Variants in CHRNA4 observed in about 807,000 individuals in gnomAD.
CHRNA4 encodes the protein cholinergic receptor nicotinic alpha 4 subunit.
In CHRNA4, 28 loss-of-function variants were observed where a neutral mutation model predicts 48.9. That is an observed-to-expected ratio of 0.57 (90% CI 0.42 to 0.79). The LOEUF (loss-of-function observed/expected upper bound fraction) is 0.79, where lower values mean the gene tolerates loss of function less well. Ranked by LOEUF, CHRNA4 falls within the 30% of genes least tolerant of loss-of-function variation. The pLI, the probability that CHRNA4 is intolerant of heterozygous loss-of-function variation, is 0.00. For missense variants in CHRNA4, 859 were observed against 898.4 expected (o/e 0.96, Z 0.56); for synonymous variants, 425 against 402.3 (o/e 1.06, Z -0.68).
At position 63,343,609 on chromosome 20, in the gene CHRNA4, G is replaced by A. The variant is rs892471936; in HGVS notation, c.*3129C>T. 4.2e-5 allele frequency: 19 copies of A among 453,920 alleles called. No homozygotes were observed. The highest frequency in any genetic ancestry group is 6.8e-4 in the Middle Eastern group (1 of 1,466). 28.1% of individuals were successfully genotyped at this position (453,920 alleles called of 1,614,324 possible). A position where few individuals can be genotyped will look rare whatever the true frequency, so the allele number is the denominator to read the frequency against. ...GAGAGATTACCACGCTTCCTGAGAG[G>A]AGGGCCACGTCGCCCCAGGCCGGGC... On this transcript the variant is annotated 3_prime_UTR_variant, in exon 6 of 6. Transcript: ENST00000370263.
chr20:63,346,168 C>T lies in CHRNA4; in HGVS notation c.*570G>A, dbSNP rs1338024015. 6.6e-6 allele frequency: 3 copies of T among 454,180 alleles called. No homozygotes were observed. Among genetic ancestry groups the T allele is most frequent in the Non-Finnish European group, 1.3e-5 (3 of 226,802 alleles). 28.1% of individuals were successfully genotyped at this position (454,180 alleles called of 1,614,324 possible). On this transcript the variant is annotated 3_prime_UTR_variant, in exon 6 of 6. Transcript: ENST00000370263. ...CCCAAAACACAACCAAACACAATCC[C>T]TGCCTGGACCCTCTCCTAGCGAAGC...
At chr20:63,355,131 C>T (rs2145399453) in intron 4 of CHRNA4, among the ~76,000 whole-genome samples, 1 of 152,294 alleles carries the variant, frequency 6.6e-6, no homozygotes, top group African/African-American at 2.4e-5. Flanking sequence ...GACCCTGCCA[C>T]ACCCAGACCC....
Position 63,344,357 on chromosome 20 carries a change from A to G in CHRNA4, c.*2381T>C, listed in dbSNP as rs201294271. 47 of 454,100 alleles carry G rather than the reference A, an allele frequency of 1.0e-4. No homozygotes were observed. Among genetic ancestry groups the G allele is most frequent in the Non-Finnish European group, 1.9e-4 (42 of 226,778 alleles). The allele number at this position is 454,100 out of a possible 1,614,324, so 28.1% of individuals were successfully genotyped here. On this transcript the variant is annotated 3_prime_UTR_variant, in exon 6 of 6. Transcript: ENST00000370263. The surrounding 1 kb of genome is among the most constrained non-coding windows in gnomAD (Gnocchi z 4.5). ...TCTAGGGGCTGGGTCTCCACTGAAG[A>G]GCATGCATCTCACCATATGTAAATT...
rs1406784957 is a variant in CHRNA4, at chr20:63,349,849, G to A, written c.1562C>T (p.Pro521Leu). ...GCACGGAGAGGGCTGGTCTGGGGGT[G>A]GGAGCTCAGCCGAGTGGGTGTTGCG... ...ASRNTHSAEL[P>L]PPDQPSPCKC... Residue 521 changes from proline (P) to leucine (L), a missense_variant, in exon 5 of 6, where the codon CCA becomes CTA. Physicochemically the swap from Pro to Leu is moderately conservative, Grantham distance 98. Transcript: ENST00000370263. 1 of 1,596,974 alleles carries A rather than the reference G, an allele frequency of 6.3e-7. No homozygotes were observed. The highest frequency in any genetic ancestry group is 2.2e-5 in the East Asian group (1 of 44,518).
In CHRNA4 at chr20:63,350,063, G is replaced by A. The variant is rs746921204; in HGVS notation, c.1348C>T (p.Arg450Cys). ...GGTGCCTGGGTGCCGTGGGGCGGGC[G>A]GCAGGGTCCAGGCGAGGGGTGGGGG... is the stretch of plus-strand genomic sequence containing the variant. Reference protein sequence around the residue: ...ASPHPSPGPCRPPHGTQAPGL... With the variant: ...ASPHPSPGPCCPPHGTQAPGL... Residue 450 changes from arginine to cysteine, a missense_variant, in exon 5 of 6, where the codon CGC becomes TGC. Physicochemically the swap from Arg to Cys is radical, Grantham distance 180. Transcript: ENST00000370263. The A allele has an allele frequency of 1.5e-5, 22 of 1,514,342 alleles. No homozygotes were observed. Among genetic ancestry groups the A allele is most frequent in the East Asian group, 7.1e-5 (3 of 42,378 alleles). The allele number at this position is 1,514,342 out of a possible 1,614,324, so 93.8% of individuals were successfully genotyped here.
chr20:63,351,238 A>ACGTTCACATCCATGCCCC (rs2068608477), intron 4 of CHRNA4: 1 of 374,516 alleles, frequency 2.7e-6, no homozygotes, highest in Non-Finnish European at 4.8e-6. Context: ...ATCCACACCC[A>ACGTTCACATCCATGCCCC]CGTCCACGTC....
chr20:63,359,792 C>A (rs1246439643), intron 1 of CHRNA4, 93 bp from the exon 2 acceptor site: 36 of 1,446,134 alleles, frequency 2.5e-5, no homozygotes, highest in Middle Eastern at 2.4e-4. Context: ...GCCCCCTGCC[C>A]AGCACGTCCA....
At chr20:63,348,557 T>A (rs548856188) in intron 5 of CHRNA4, among the ~76,000 whole-genome samples, 1 of 152,296 alleles carries the variant, frequency 6.6e-6, no homozygotes, top group South Asian at 2.1e-4. Context: ...AGGATGGCGC[T>A]CTGGGGTCCT....
rs954106130 is a variant in CHRNA4 at position 63,346,570 on chromosome 20, G to A, written c.*168C>T. The A allele has an allele frequency of 1.9e-5, 18 of 961,428 alleles. No homozygotes were observed. Among genetic ancestry groups the A allele is most frequent in the Admixed American group, 6.0e-5 (3 of 50,046 alleles). The allele number at this position is 961,428 out of a possible 1,614,324, so 59.6% of individuals were successfully genotyped here. A position where few individuals can be genotyped will look rare whatever the true frequency, so the allele number is the denominator to read the frequency against. Reference sequence around the variant, plus strand: ...TCCACACTCGGTCTCCCCAGAGGCCGTGTCCCCGTCCAAGGCCGTCTTACA... The same window carrying A: ...TCCACACTCGGTCTCCCCAGAGGCCATGTCCCCGTCCAAGGCCGTCTTACA... On this transcript the variant is annotated 3_prime_UTR_variant, in exon 6 of 6. Coordinates refer to ENST00000370263, the MANE Select transcript of CHRNA4 (RefSeq NM_000744.7).
At chr20:63,360,490 G>GCATTCCC (rs2068799833) in intron 1 of CHRNA4, among the ~76,000 whole-genome samples, 1 of 152,148 alleles carries the variant, frequency 6.6e-6, no homozygotes, top group African/African-American at 2.4e-5. Context: ...CCTGTCCTGG[G>GCATTCCC]CGCTGCCATA....
At chr20:63,359,856 C>A in intron 1 of CHRNA4, 157 bp from the exon 2 acceptor site, 1 of 892,752 alleles carries the variant, frequency 1.1e-6, no homozygotes, top group Non-Finnish European at 1.7e-6. Context: ...TGTGTGTGTG[C>A]CGGGCGTGCG....
chr20:63,356,784 G>A (rs554631300), intron 2 of CHRNA4, among the ~76,000 whole-genome samples: 60 of 152,290 alleles, frequency 3.9e-4, no homozygotes, highest in Non-Finnish European at 7.6e-4. Context: ...AGGCCCCCAT[G>A]TGGGCACACA....
At chr20:63,353,739 A>G (rs139898218) in intron 4 of CHRNA4, among the ~76,000 whole-genome samples, 108 of 2,254 alleles carry the variant, frequency 0.048, no homozygotes, top group Non-Finnish European at 0.067. Context: ...TGGTCCTAGG[A>G]GGCTGTGGTC....
chr20:63,355,783 T>A, intron 4 of CHRNA4, 192 bp downstream of exon 4: 1 of 892,848 alleles, frequency 1.1e-6, no homozygotes, highest in Non-Finnish European at 1.7e-6. Flanking sequence ...CCTTCCCTCC[T>A]CAACCCACAC....
rs201578124 is a variant in CHRNA4, at chr20:63,344,671, G to T, written c.*2067C>A. The T allele has an allele frequency of 2.2e-6, 1 of 454,066 alleles. No individual in the cohort carries two copies. Among genetic ancestry groups the T allele is most frequent in the East Asian group, 7.0e-5 (1 of 14,380 alleles). 28.1% of individuals were successfully genotyped at this position (454,066 alleles called of 1,614,324 possible). A position where few individuals can be genotyped will look rare whatever the true frequency, so the allele number is the denominator to read the frequency against. ...CCTGCAGCTGCCCACACATCTGGCAGCTGGGTCCACTTATGCAATGTGGAT... is the reference window on the plus strand; with the variant it reads ...CCTGCAGCTGCCCACACATCTGGCATCTGGGTCCACTTATGCAATGTGGAT... On this transcript the variant is annotated 3_prime_UTR_variant, in exon 6 of 6. Transcript: ENST00000370263. The surrounding 1 kb of genome is among the most constrained non-coding windows in gnomAD (Gnocchi z 4.5).
At chr20:63,354,011 C>G in intron 4 of CHRNA4, among the ~76,000 whole-genome samples, 1 of 81,078 alleles carries the variant, frequency 1.2e-5, no homozygotes, top group Non-Finnish European at 2.4e-5. Context: ...GGCGGGGGGG[C>G]TGCGGTCCTA....
chr20:63,343,534 G>A lies in CHRNA4; in HGVS notation c.*3204C>T, dbSNP rs200506491. 287 of 454,138 alleles carry A rather than the reference G, an allele frequency of 6.3e-4. 2 individuals carry two copies. The highest frequency in any genetic ancestry group is 4.9e-3 in the African/African-American group (246 of 50,126). The allele number at this position is 454,138 out of a possible 1,614,324, so 28.1% of individuals were successfully genotyped here. ...GCGTGCCCTAGAGTGTCCTGGGCCCGGCCTTAACTTACAAGGGAGCCTGAG... is the reference window on the plus strand; with the variant it reads ...GCGTGCCCTAGAGTGTCCTGGGCCCAGCCTTAACTTACAAGGGAGCCTGAG... On this transcript the variant is annotated 3_prime_UTR_variant, in exon 6 of 6. Transcript: ENST00000370263.
At chr20:63,360,760 A>T (rs1018887448) in intron 1 of CHRNA4, among the ~76,000 whole-genome samples, 11 of 152,268 alleles carry the variant, frequency 7.2e-5, no homozygotes, top group Admixed American at 7.2e-4. Flanking sequence ...ATTTAGCTGG[A>T]TGGATGGGGG....
At position 63,345,576 on chromosome 20, in the gene CHRNA4, GC is replaced by G; in HGVS notation, c.*1161del. 1 of 444,620 alleles carries G rather than the reference GC, an allele frequency of 2.2e-6. No individual in the cohort carries two copies. The highest frequency in any genetic ancestry group is 4.6e-6 in the Non-Finnish European group (1 of 219,252). The allele number at this position is 444,620 out of a possible 1,614,324, so 27.5% of individuals were successfully genotyped here. ...GCCTGCAGGGGTGAGGCTGTGCTGA[GC>G]TCTGCCTGCCCTGCCAGGACGGAGG... On this transcript the variant is annotated 3_prime_UTR_variant, in exon 6 of 6. Transcript: ENST00000370263. This position sits in a 1 kb window ranked among gnomAD's most constrained non-coding sequence, Gnocchi z 5.4.
Sources: gnomAD v4.1 joint callset for allele counts (sites outside exome capture counted in the v4.1 genomes callset) on GRCh38, gnomAD v4.1.1 for gene constraint, Gnocchi (gnomAD v3.1) non-coding constraint, MANE v1.5 for transcripts, NCBI Gene and HGNC (gene_info 2026-07-23, HGNC 2026-07-21) for gene names.